NRXN3: variants seen among roughly 807,000 people sequenced by gnomAD.
The protein encoded by NRXN3 is neurexin 3, also known as neurexin III.
In NRXN3, 32 loss-of-function variants were observed where a neutral mutation model predicts 137.6. That is an observed-to-expected ratio of 0.23 (90% CI 0.18 to 0.31). The LOEUF (loss-of-function observed/expected upper bound fraction) is 0.31, where lower values mean the gene tolerates loss of function less well. Ranked by LOEUF, NRXN3 falls within the 10% of genes least tolerant of loss-of-function variation. The pLI is 1.00. For synonymous variants in NRXN3, 798 were observed against 784.5 expected (o/e 1.02, Z -0.29); for missense variants, 1,574 against 2,062.5 (o/e 0.76, Z 4.59).
intron 15 of NRXN3, among the ~76,000 whole-genome samples, chr14:79,456,311 T>TA (rs1297367645): frequency 6.6e-6 from 1 of 152,196 alleles, no homozygotes; most frequent in African/African-American, 2.4e-5. Flanking sequence ...ACTGTGCCCC[T>TA]ATGTGTTCCA....
At chr14:79,378,828 A>G (rs1296671646) in intron 15 of NRXN3, among the ~76,000 whole-genome samples, 2 of 151,668 alleles carry the variant, frequency 1.3e-5, no homozygotes, top group Non-Finnish European at 2.9e-5. Flanking sequence ...TTGTGAGCCC[A>G]TTGACATCCT....
chr14:79,617,828 G>A (rs2098174066), intron 16 of NRXN3, among the ~76,000 whole-genome samples: 1 of 149,954 alleles, frequency 6.7e-6, no homozygotes, highest in African/African-American at 2.5e-5. Flanking sequence ...TCTGGAATTT[G>A]AGAACTGAGT....
chr14:79,720,303 A>G (rs1048395486), intron 19 of NRXN3, among the ~76,000 whole-genome samples: 4 of 152,118 alleles, frequency 2.6e-5, no homozygotes, highest in Admixed American at 1.3e-4. Context: ...TGATTCAGTT[A>G]TCTCCTCCTT....
chr14:79,861,614 C>T lies in NRXN3; in HGVS notation c.4366C>T (p.Leu1456=), dbSNP rs1269792290. Reference sequence around the variant, plus strand: ...TGCCTATGAGCTAGACAGCACCAAACTGAAGAGCCCACTAATTACTTCCCC... The same window carrying T: ...TGCCTATGAGCTAGACAGCACCAAATTGAAGAGCCCACTAATTACTTCCCC... ...PTAYELDSTK[L]KSPLITSPMF... The change falls in exon 21 of 21, where the codon CTG becomes TTG. Residue 1456 remains leucine (L), a synonymous_variant. Coordinates refer to ENST00000335750, the MANE Select transcript of NRXN3 (RefSeq NM_001330195.2). This position sits in a 1 kb window ranked among gnomAD's most constrained non-coding sequence, Gnocchi z 5.4. The T allele has an allele frequency of 8.1e-6, 13 of 1,613,746 alleles. No individual in the cohort carries two copies. Among genetic ancestry groups the T allele is most frequent in the Non-Finnish European group, 1.1e-5 (13 of 1,179,944 alleles).
intron 19 of NRXN3, among the ~76,000 whole-genome samples, chr14:79,710,852 A>C (rs2098801103): frequency 6.6e-6 from 1 of 152,142 alleles, no homozygotes; most frequent in Non-Finnish European, 1.5e-5. Context: ...CTTTGGAGAA[A>C]TAAAGAATGA....
intron 15 of NRXN3, among the ~76,000 whole-genome samples, chr14:79,059,903 G>A (rs1237950338): frequency 1.3e-5 from 2 of 152,162 alleles, no homozygotes; most frequent in Non-Finnish European, 2.9e-5. Context: ...CAGCACTTCT[G>A]TGTACTTCCC....
chr14:79,400,455 T>C (rs1354436467), intron 15 of NRXN3, among the ~76,000 whole-genome samples: 4 of 152,216 alleles, frequency 2.6e-5, no homozygotes, highest in Non-Finnish European at 5.9e-5. Context: ...AGTATGATTT[T>C]TTCCATTGTA....
chr14:79,629,844 C>CGTGT (rs746313928), intron 16 of NRXN3, among the ~76,000 whole-genome samples: 1 of 113,400 alleles, frequency 8.8e-6, no homozygotes, highest in Non-Finnish European at 1.7e-5. Context: ...TGTGTGTGTG[C>CGTGT]GTGTGTGTGT....
intron 16 of NRXN3, among the ~76,000 whole-genome samples, chr14:79,580,659 G>A (rs2097706928): frequency 6.6e-6 from 1 of 152,108 alleles, no homozygotes; most frequent in Non-Finnish European, 1.5e-5. Context: ...TGTTTCTTTG[G>A]TGTGTAGGAA....
At chr14:79,726,430 T>A (rs1028209662) in intron 19 of NRXN3, among the ~76,000 whole-genome samples, 6 of 152,100 alleles carry the variant, frequency 3.9e-5, no homozygotes, top group African/African-American at 9.6e-5. Context: ...AATTTTTTTT[T>A]AAAATCCTCC....
At chr14:78,766,855 A>G (rs2098710752) in intron 8 of NRXN3, among the ~76,000 whole-genome samples, 1 of 152,196 alleles carries the variant, frequency 6.6e-6, no homozygotes, top group Non-Finnish European at 1.5e-5. Flanking sequence ...TCATCTTTTA[A>G]AATGAGGTTT....
At chr14:79,023,638 A>T (rs1452391745) in intron 15 of NRXN3, among the ~76,000 whole-genome samples, 1 of 152,148 alleles carries the variant, frequency 6.6e-6, no homozygotes, top group Non-Finnish European at 1.5e-5. Flanking sequence ...GGAAACTTAC[A>T]ATCATGGTGG....
chr14:78,949,985 A>G (rs926836888), intron 10 of NRXN3, among the ~76,000 whole-genome samples: 1 of 152,190 alleles, frequency 6.6e-6, no homozygotes, highest in Non-Finnish European at 1.5e-5. Context: ...GCTCAATCAC[A>G]TTCAGCTTCA....
chr14:79,243,825 A>G (rs2074717612), intron 15 of NRXN3, among the ~76,000 whole-genome samples: 1 of 152,128 alleles, frequency 6.6e-6, no homozygotes, highest in South Asian at 2.1e-4. Flanking sequence ...TATGCAGTTT[A>G]TCATTGATGG....
In NRXN3 at chr14:78,243,005, C is replaced by T. The variant is rs1477725648; in HGVS notation, c.-89C>T. 6.3e-6 allele frequency: 6 copies of T among 945,834 alleles called. No homozygotes were observed. The highest frequency in any genetic ancestry group is 2.2e-4 in the Middle Eastern group (1 of 4,518). The allele number at this position is 945,834 out of a possible 1,614,324, so 58.6% of individuals were successfully genotyped here. ...TTCTGTCCCCCCATCTCTGTCTTGT[C>T]TTTCCCACTTCTATTGCCAAAGGGA... is the stretch of plus-strand genomic sequence containing the variant. On this transcript the variant is annotated 5_prime_UTR_variant, in exon 2 of 21. Transcript: ENST00000335750. This position sits in a 1 kb window ranked among gnomAD's most constrained non-coding sequence, Gnocchi z 4.2.
At chr14:79,540,094 T>C (rs1299829480) in intron 16 of NRXN3, among the ~76,000 whole-genome samples, 1 of 152,110 alleles carries the variant, frequency 6.6e-6, no homozygotes, top group African/African-American at 2.4e-5. Context: ...TATTCAGGCT[T>C]CTGGCAATAT....
chr14:79,111,076 C>T (rs1596065856), intron 15 of NRXN3, among the ~76,000 whole-genome samples: 1 of 152,104 alleles, frequency 6.6e-6, no homozygotes, highest in East Asian at 1.9e-4. Flanking sequence ...AGGCGTGAGC[C>T]ACTGTGCCTA....
At chr14:78,355,035 C>T (rs761054739) in intron 4 of NRXN3, among the ~76,000 whole-genome samples, 2 of 152,160 alleles carry the variant, frequency 1.3e-5, no homozygotes, top group Admixed American at 6.5e-5. Context: ...GCAGCCCCTA[C>T]GTATGTGTGA....
chr14:78,673,235 G>A (rs1317322275), intron 6 of NRXN3, among the ~76,000 whole-genome samples: 1 of 152,192 alleles, frequency 6.6e-6, no homozygotes, highest in African/African-American at 2.4e-5. Context: ...CATGAGTTGG[G>A]GGAATGAATC....
Sources: allele counts gnomAD v4.1 joint callset (sites outside exome capture counted in the v4.1 genomes callset), GRCh38; gene constraint gnomAD v4.1.1; non-coding constraint Gnocchi (gnomAD v3.1); transcripts MANE v1.5; gene names NCBI Gene and HGNC (gene_info 2026-07-23, HGNC 2026-07-21).